TSN: variants seen among roughly 807,000 people sequenced by gnomAD.
TSN encodes the protein component 3 of promoter of RISC.
TSN carries 5 observed loss-of-function variants against 29.4 expected under a neutral mutation model. The ratio of observed to expected loss-of-function variants is 0.17; its 90% CI spans 0.09 to 0.36. The LOEUF (loss-of-function observed/expected upper bound fraction) is 0.36. Ranked by LOEUF, TSN falls within the 10% of genes least tolerant of loss-of-function variation. The pLI, the probability that TSN is intolerant of heterozygous loss-of-function variation, is 1.00. For synonymous variants in TSN, 106 were observed against 102.2 expected, an observed-to-expected ratio of 1.04 and a Z score of -0.23; for missense variants, 159 against 272.8, an observed-to-expected ratio of 0.58 and a Z score of 2.94.
chr2:121,757,465 G>A (rs1257643677), intron 2 of TSN, 132 bp downstream of exon 2: 1 of 1,529,426 alleles, frequency 6.5e-7, no homozygotes, highest in Admixed American at 2.0e-5. Context: ...TAGGTGATTT[G>A]ATAATTTTGG....
intron 3 of TSN, among the ~76,000 whole-genome samples, chr2:121,760,582 T>C (rs1277944547): frequency 6.6e-6 from 1 of 152,202 alleles, no homozygotes; most frequent in Non-Finnish European, 1.5e-5. Flanking sequence ...TGCATAAATA[T>C]CCACAGGTTG....
chr2:121,763,335 C>T (rs111315969), intron 5 of TSN, among the ~76,000 whole-genome samples: 3,562 of 151,924 alleles, frequency 0.023, 148 homozygotes, highest in African/African-American at 0.081. Flanking sequence ...TTAGTAGAGA[C>T]GGGGTTTCAC....
chr2:121,761,531 G>A lies in TSN; in HGVS notation c.373+7G>A. ...GTTACAGAAATTCTTGGCAGTAAGT[G>A]TCTTTATTAGTGGGATCTGCAGAAT... On this transcript the variant is annotated splice_region_variant and intron_variant, in intron 4 of 5. Transcript: ENST00000389682. The A allele has an allele frequency of 6.3e-7, 1 of 1,594,922 alleles. No homozygotes were observed. Among genetic ancestry groups the A allele is most frequent in the Admixed American group, 1.7e-5 (1 of 59,996 alleles).
intron 5 of TSN, 21 bp downstream of exon 5, chr2:121,763,105 G>C (rs1228432100): frequency 6.9e-7 from 1 of 1,444,366 alleles, no homozygotes; most frequent in South Asian, 1.3e-5. Context: ...TAACTTGCTG[G>C]TTGCTTTTTT....
intron 3 of TSN, among the ~76,000 whole-genome samples, chr2:121,759,613 A>G (rs976986318): frequency 1.3e-5 from 2 of 152,198 alleles, no homozygotes; most frequent in African/African-American, 4.8e-5. Context: ...ATCTAAAAAA[A>G]AAAAACAACT....
At chr2:121,764,351 T>C (rs1277282797) in intron 5 of TSN, among the ~76,000 whole-genome samples, 2 of 152,104 alleles carry the variant, frequency 1.3e-5, no homozygotes, top group Non-Finnish European at 2.9e-5. Context: ...ACGCTTGTAA[T>C]GCTGGCAGTT....
chr2:121,760,222 C>T (rs2074804920), intron 3 of TSN, among the ~76,000 whole-genome samples: 1 of 152,216 alleles, frequency 6.6e-6, no homozygotes, highest in South Asian at 2.1e-4. Flanking sequence ...CTATTGTGGA[C>T]TGTGCATGCG....
In TSN at chr2:121,755,669, G is replaced by A. The variant is rs960134335; in HGVS notation, c.-111G>A. On this transcript the variant is annotated 5_prime_UTR_variant, in exon 1 of 6. Transcript: ENST00000389682. ...TAGCGACGGTCGTGGCGTAAGACCG[G>A]GGGGACGCGGCGGTAGCGGCGGCCG... is the stretch of plus-strand genomic sequence containing the variant. 1.4e-6 allele frequency: 2 copies of A among 1,445,012 alleles called. No individual in the cohort carries two copies. The highest frequency in any genetic ancestry group is 1.8e-5 in the Admixed American group (1 of 56,282). 89.5% of individuals were successfully genotyped at this position (1,445,012 alleles called of 1,614,324 possible). A position where few individuals can be genotyped will look rare whatever the true frequency, so the allele number is the denominator to read the frequency against.
chr2:121,765,419 G>T lies in TSN; in HGVS notation c.*52G>T, dbSNP rs1052142668. On this transcript the variant is annotated 3_prime_UTR_variant, in exon 6 of 6. Transcript: ENST00000389682. ...TGACCTCAGCGGTTGCCAGGAAGGG[G>T]TGAGCACAGAGTGCCTCTTACGGTA... The T allele has an allele frequency of 2.6e-6, 4 of 1,565,440 alleles. No individual in the cohort carries two copies. The highest frequency in any genetic ancestry group is 3.5e-6 in the Non-Finnish European group (4 of 1,137,850).
chr2:121,756,617 A>G (rs1267280812), intron 1 of TSN: 2 of 1,299,652 alleles, frequency 1.5e-6, no homozygotes, highest in Admixed American at 2.3e-5. Flanking sequence ...TTAAAAATGA[A>G]TTAGAGGCGG....
At position 121,767,378 on chromosome 2, in the gene TSN, C is replaced by G. The variant is rs538597010; in HGVS notation, c.*2011C>G. The stretch of plus-strand genomic sequence containing the variant: ...GGCTAAAGAAGACCGGGGTGACAAG[C>G]AGATACTGCTGTGTAATGGTTACAC... On this transcript the variant is annotated 3_prime_UTR_variant, in exon 6 of 6. Coordinates refer to ENST00000389682, the MANE Select transcript of TSN (RefSeq NM_004622.3). 1.3e-5 allele frequency: 2 copies of G among 152,186 alleles called. No homozygotes were observed. The highest frequency in any genetic ancestry group is 6.6e-5 in the Admixed American group (1 of 15,266). The allele number at this position is 152,186 out of a possible 1,614,324, so 9.4% of individuals were successfully genotyped here. A position where few individuals can be genotyped will look rare whatever the true frequency, so the allele number is the denominator to read the frequency against.
intron 4 of TSN, 144 bp from the exon 5 acceptor site, chr2:121,762,860 GC>G: frequency 3.1e-6 from 2 of 642,048 alleles, no homozygotes; most frequent in Non-Finnish European, 4.9e-6. Context: ...AGGTCTAGTT[GC>G]CAAGGTTGTG....
chr2:121,763,096 A>C lies in TSN; in HGVS notation c.453+12A>C. 6.4e-7 allele frequency: 1 copy of C among 1,562,566 alleles called. No individual in the cohort carries two copies. Among genetic ancestry groups the C allele is most frequent in the Non-Finnish European group, 8.6e-7 (1 of 1,157,688 alleles). Reference sequence around the variant, plus strand: ...TTGCCAGTGAACTGGTAAGCTCAGTAACTTGCTGGTTGCTTTTTTGATCTT... The same window carrying C: ...TTGCCAGTGAACTGGTAAGCTCAGTCACTTGCTGGTTGCTTTTTTGATCTT... On this transcript the variant is annotated intron_variant, in intron 5 of 5. Coordinates refer to ENST00000389682, the MANE Select transcript of TSN (RefSeq NM_004622.3).
At chr2:121,762,309 T>A (rs1055926403) in intron 4 of TSN, among the ~76,000 whole-genome samples, 3 of 152,120 alleles carry the variant, frequency 2.0e-5, no homozygotes, top group Non-Finnish European at 2.9e-5. Flanking sequence ...TGTATTTTTT[T>A]AGTAGAAACA....
intron 3 of TSN, among the ~76,000 whole-genome samples, 166 bp downstream of exon 3, chr2:121,758,972 T>G (rs2074785377): frequency 6.6e-6 from 1 of 152,230 alleles, no homozygotes; most frequent in African/African-American, 2.4e-5. Flanking sequence ...TGATTTTATT[T>G]TTTTCTTCTT....
Position 121,765,564 on chromosome 2 carries a change from T to G in TSN, c.*197T>G, listed in dbSNP as rs2074891008. 1 of 591,576 alleles carries G rather than the reference T, an allele frequency of 1.7e-6. No homozygotes were observed. The highest frequency in any genetic ancestry group is 1.9e-5 in the African/African-American group (1 of 53,826). 36.6% of individuals were successfully genotyped at this position (591,576 alleles called of 1,614,324 possible). On this transcript the variant is annotated 3_prime_UTR_variant, in exon 6 of 6. Coordinates refer to ENST00000389682, the MANE Select transcript of TSN (RefSeq NM_004622.3). ...TATAGCCTTTACATGGACAGAATTT[T>G]TTTTGTTGTTTCAGTGAATATGCCT... is the stretch of plus-strand genomic sequence containing the variant.
Position 121,755,700 on chromosome 2 carries a change from A to G in TSN, c.-80A>G. 3 of 1,577,580 alleles carry G rather than the reference A, an allele frequency of 1.9e-6. No individual in the cohort carries two copies. Among genetic ancestry groups the G allele is most frequent in the African/African-American group, 1.3e-5 (1 of 74,398 alleles). ...CGCGGCGGTAGCGGCGGCCGTTGCG[A>G]TTGATTGCGCTGGTTGCCTGCGGCG... On this transcript the variant is annotated 5_prime_UTR_variant, in exon 1 of 6. Transcript: ENST00000389682.
At chr2:121,758,015 T>TTGTGTGTG (rs963979931) in intron 2 of TSN, among the ~76,000 whole-genome samples, 2 of 150,246 alleles carry the variant, frequency 1.3e-5, no homozygotes, top group African/African-American at 4.9e-5. Context: ...ATTTGGCCCT[T>TTGTGTGTG]TGTGTGTGTG....
At position 121,766,783 on chromosome 2, in the gene TSN, G is replaced by C. The variant is rs986913402; in HGVS notation, c.*1416G>C. 2 of 152,128 alleles carry C rather than the reference G, an allele frequency of 1.3e-5. No homozygotes were observed. The highest frequency in any genetic ancestry group is 4.8e-5 in the African/African-American group (2 of 41,426). The allele number at this position is 152,128 out of a possible 1,614,324, so 9.4% of individuals were successfully genotyped here. A position where few individuals can be genotyped will look rare whatever the true frequency, so the allele number is the denominator to read the frequency against. On this transcript the variant is annotated 3_prime_UTR_variant, in exon 6 of 6. Transcript: ENST00000389682. ...CTTTTCTTGCCTGATCAACAATTTG[G>C]GCTTCCTGTTTGTACAAGGGGCCAT...
Sources: gnomAD v4.1 joint callset for allele counts (sites outside exome capture counted in the v4.1 genomes callset) on GRCh38, gnomAD v4.1.1 for gene constraint, MANE v1.5 for transcripts, NCBI Gene and HGNC (gene_info 2026-07-23, HGNC 2026-07-21) for gene names.